Variants in GLIS1 observed in about 807,000 individuals in gnomAD.
GLIS1 encodes zinc finger protein GLIS1.
GLIS1 carries 24 observed loss-of-function variants against 63.8 expected under a neutral mutation model. The ratio of observed to expected loss-of-function variants is 0.38; its 90% CI spans 0.27 to 0.53. The LOEUF (loss-of-function observed/expected upper bound fraction) is 0.53. Ranked by LOEUF, GLIS1 falls within the 20% of genes least tolerant of loss-of-function variation. GLIS1 has a pLI of 0.85. For missense variants in GLIS1, 1,036 were observed against 1,074.1 expected, an observed-to-expected ratio of 0.96 and a Z score of 0.50; for synonymous variants, 450 against 482.5, an observed-to-expected ratio of 0.93 and a Z score of 0.88.
At chr1:53,510,877 T>G (rs375959327) in intron 8 of GLIS1, among the ~76,000 whole-genome samples, 5 of 152,162 alleles carry the variant, frequency 3.3e-5, no homozygotes, top group East Asian at 3.9e-4. Flanking sequence ...GTTGCCTTCA[T>G]ACAGAGCCTG....
At chr1:53,572,329 G>A (rs1432817974) in intron 4 of GLIS1, among the ~76,000 whole-genome samples, 6 of 152,262 alleles carry the variant, frequency 3.9e-5, no homozygotes, top group African/African-American at 1.4e-4. Context: ...TCATCCTATT[G>A]CAGCACAGTA....
intron 5 of GLIS1, 140 bp downstream of exon 5, chr1:53,529,651 T>A (rs1245843162): frequency 1.2e-6 from 1 of 823,070 alleles, no homozygotes; most frequent in African/African-American, 1.7e-5. Context: ...GAGGACACCA[T>A]CCGACCCACT....
At position 53,520,715 on chromosome 1, in the gene GLIS1, G is replaced by A; in HGVS notation, c.1645C>T (p.Leu549=). The change falls in exon 7 of 11, where the codon CTG becomes TTG. Residue 549 remains leucine, a synonymous_variant. Coordinates refer to ENST00000628545, the MANE Select transcript of GLIS1 (RefSeq NM_001367484.1). ...EADVLTECLV[L]QQLHTSTQLA... ...TGTGTGGACGTGTGGAGCTGCTGCA[G>A]GACCAGACACTCGGTCAGGACGTCG... The A allele has an allele frequency of 4.4e-6, 7 of 1,606,802 alleles. No homozygotes were observed. Among genetic ancestry groups the A allele is most frequent in the Non-Finnish European group, 5.9e-6 (7 of 1,177,368 alleles).
intron 2 of GLIS1, among the ~76,000 whole-genome samples, chr1:53,720,869 G>C (rs568358573): frequency 9.3e-4 from 141 of 152,192 alleles, no homozygotes; most frequent in Non-Finnish European, 1.3e-3. Flanking sequence ...ATGGTAGCCG[G>C]AGTCTGTAGT....
chr1:53,575,102 A>G (rs1239933349), intron 4 of GLIS1, among the ~76,000 whole-genome samples: 3 of 152,242 alleles, frequency 2.0e-5, no homozygotes, highest in African/African-American at 7.2e-5. Flanking sequence ...AACCCTGGGA[A>G]ATGGCAACTA....
intron 2 of GLIS1, among the ~76,000 whole-genome samples, chr1:53,663,721 C>T (rs567391862): frequency 1.3e-5 from 2 of 152,190 alleles, no homozygotes; most frequent in South Asian, 2.1e-4. Flanking sequence ...CACTGGAGCC[C>T]GGGGAACACT....
At chr1:53,515,597 G>C (rs1463461330) in intron 7 of GLIS1, among the ~76,000 whole-genome samples, 1 of 151,972 alleles carries the variant, frequency 6.6e-6, no homozygotes, top group East Asian at 1.9e-4. Context: ...TCTTACCCTT[G>C]TTAAGACAGG....
At chr1:53,580,301 G>C (rs969340160) in intron 4 of GLIS1, among the ~76,000 whole-genome samples, 1 of 152,104 alleles carries the variant, frequency 6.6e-6, no homozygotes, top group Non-Finnish European at 1.5e-5. Context: ...TCCCTTTCCC[G>C]AGCCCTACAG....
At position 53,526,648 on chromosome 1, in the gene GLIS1, T is replaced by C. The variant is rs1463354703; in HGVS notation, c.1483-1761A>G. Among the ~76,000 whole-genome samples, 1 of 152,112 alleles carries C rather than the reference T, an allele frequency of 6.6e-6. No individual in the cohort carries two copies. The highest frequency in any genetic ancestry group is 1.5e-5 in the Non-Finnish European group (1 of 68,022). ...ATGTGCCCAGGCACACACACGGCCC[T>C]GCCCTGTCCCTGAGCCGGCCCCAGG... is the stretch of plus-strand genomic sequence containing the variant. On this transcript the variant is annotated intron_variant, in intron 5 of 10. Coordinates refer to ENST00000628545, the MANE Select transcript of GLIS1 (RefSeq NM_001367484.1). This position sits in a 1 kb window ranked among gnomAD's most constrained non-coding sequence, Gnocchi z 4.4.
chr1:53,670,070 C>T (rs890122740), intron 2 of GLIS1, among the ~76,000 whole-genome samples: 1 of 152,208 alleles, frequency 6.6e-6, no homozygotes, highest in African/African-American at 2.4e-5. Context: ...AAGCATAAAA[C>T]AAGAGTGGCT....
chr1:53,633,996 A>G (rs1182720275), intron 2 of GLIS1, among the ~76,000 whole-genome samples: 1 of 152,208 alleles, frequency 6.6e-6, no homozygotes, highest in Non-Finnish European at 1.5e-5. Flanking sequence ...CTGTGAGTGC[A>G]GAGGCATCGG....
intron 4 of GLIS1, among the ~76,000 whole-genome samples, chr1:53,591,291 C>T (rs531157580): frequency 1.3e-5 from 2 of 152,266 alleles, no homozygotes; most frequent in East Asian, 1.9e-4. Context: ...AGAGGGAGCA[C>T]GCCCACCCCA....
At chr1:53,663,414 G>A (rs768646583) in intron 2 of GLIS1, among the ~76,000 whole-genome samples, 9 of 152,204 alleles carry the variant, frequency 5.9e-5, no homozygotes, top group Non-Finnish European at 1.2e-4. Flanking sequence ...TGGGTGCCAG[G>A]GGCCATGCTG....
chr1:53,669,452 G>A (rs1646128686), intron 2 of GLIS1, among the ~76,000 whole-genome samples: 1 of 152,198 alleles, frequency 6.6e-6, no homozygotes, highest in Non-Finnish European at 1.5e-5. Context: ...GGGGTAAGAG[G>A]GGGCAGAGAG....
In GLIS1 at chr1:53,526,447, A is replaced by G. The variant is rs1644469693; in HGVS notation, c.1483-1560T>C. Among the ~76,000 whole-genome samples the G allele has an allele frequency of 6.6e-6, 1 of 152,108 alleles. No individual in the cohort carries two copies. The highest frequency in any genetic ancestry group is 2.4e-5 in the African/African-American group (1 of 41,400). ...TTGCCGGGGTTGGCCTGGGAGGGAGAGCGGAGGCCTGCCGCGGATGGCCCC... is the reference window on the plus strand; with the variant it reads ...TTGCCGGGGTTGGCCTGGGAGGGAGGGCGGAGGCCTGCCGCGGATGGCCCC... On this transcript the variant is annotated intron_variant, in intron 5 of 10. Coordinates refer to ENST00000628545, the MANE Select transcript of GLIS1 (RefSeq NM_001367484.1). The surrounding 1 kb of genome is among the most constrained non-coding windows in gnomAD (Gnocchi z 4.4).
At position 53,639,814 on chromosome 1, in the gene GLIS1, G is replaced by C. The variant is rs2100284390; in HGVS notation, c.260-39536C>G. Among the ~76,000 whole-genome samples, 1 of 152,236 alleles carries C rather than the reference G, an allele frequency of 6.6e-6. No individual in the cohort carries two copies. The highest frequency in any genetic ancestry group is 2.4e-5 in the African/African-American group (1 of 41,536). The stretch of plus-strand genomic sequence containing the variant: ...CCCCAGGACTATACTCCTCACAGCT[G>C]CCCCGAGGTTCTGCTTTGCCACTGA... On this transcript the variant is annotated intron_variant, in intron 2 of 10. Coordinates refer to ENST00000628545, the MANE Select transcript of GLIS1 (RefSeq NM_001367484.1). This position sits in a 1 kb window ranked among gnomAD's most constrained non-coding sequence, Gnocchi z 4.6.
intron 6 of GLIS1, among the ~76,000 whole-genome samples, chr1:53,522,986 C>CT (rs1553120127): frequency 5.9e-4 from 26 of 43,698 alleles, no homozygotes; most frequent in South Asian, 2.6e-3. Flanking sequence ...TCTTTTCTTT[C>CT]TTTTTTTTTT....
intron 2 of GLIS1, among the ~76,000 whole-genome samples, chr1:53,658,621 G>A (rs1346964016): frequency 6.6e-6 from 1 of 152,196 alleles, no homozygotes; most frequent in Non-Finnish European, 1.5e-5. Context: ...GCTGATGTCA[G>A]AGTCTCCTCT....
chr1:53,528,932 C>A (rs1644499350), intron 5 of GLIS1, among the ~76,000 whole-genome samples: 1 of 152,162 alleles, frequency 6.6e-6, no homozygotes, highest in Non-Finnish European at 1.5e-5. Flanking sequence ...CCTCCTCAGG[C>A]ACGTGCCCCT....
Sources: gnomAD v4.1 joint callset for allele counts (sites outside exome capture counted in the v4.1 genomes callset) on GRCh38, gnomAD v4.1.1 for gene constraint, Gnocchi (gnomAD v3.1) non-coding constraint, MANE v1.5 for transcripts, NCBI Gene and HGNC (gene_info 2026-07-23, HGNC 2026-07-21) for gene names.